RBFOX1: variants seen among roughly 807,000 people sequenced by gnomAD.
The protein encoded by RBFOX1 is RNA binding protein fox-1 homolog 1.
RBFOX1 carries 8 observed loss-of-function variants against 57.7 expected under a neutral mutation model. The ratio of observed to expected loss-of-function variants is 0.14; its 90% CI spans 0.08 to 0.25. The LOEUF is 0.25. RBFOX1 is among the 10% of genes least tolerant of loss of function. The pLI is 1.00. For missense variants in RBFOX1, 611 were observed against 548.5 expected, an observed-to-expected ratio of 1.11 and a Z score of -1.14; for synonymous variants, 326 against 222.4, an observed-to-expected ratio of 1.47 and a Z score of -4.15.
chr16:6,985,982 C>T (rs188682854), intron 3 of RBFOX1, among the ~76,000 whole-genome samples: 26 of 151,132 alleles, frequency 1.7e-4, no homozygotes, highest in Middle Eastern at 3.4e-3. Context: ...ACTTACCGGA[C>T]GAGAGAAATT....
chr16:6,842,001 G>T (rs936746552), intron 3 of RBFOX1, among the ~76,000 whole-genome samples: 12 of 151,834 alleles, frequency 7.9e-5, no homozygotes, highest in African/African-American at 2.9e-4. Context: ...AAATTAGCCG[G>T]GCGTGGTGGC....
intron 3 of RBFOX1, among the ~76,000 whole-genome samples, chr16:6,923,194 G>C (rs1288177990): frequency 2.6e-5 from 4 of 152,304 alleles, no homozygotes; most frequent in South Asian, 4.1e-4. Flanking sequence ...CTGGTCTTCA[G>C]TTGCCTGCCT....
At position 7,155,715 on chromosome 16, in the gene RBFOX1, ATATATAT is replaced by A. The variant is rs2076954661; in HGVS notation, c.27+103618_27+103624del. On this transcript the variant is annotated intron_variant, in intron 4 of 15. Coordinates refer to ENST00000550418, the MANE Select transcript of RBFOX1 (RefSeq NM_018723.4). ...CCTCCCACCAAAAAAAAAAAAAAAT[ATATATAT>A]ATATATATATATATATACACACACA... is the stretch of plus-strand genomic sequence containing the variant. 5.4e-5 allele frequency among the ~76,000 whole-genome samples: 4 copies of A among 73,534 alleles called. 1 individual carries two copies. The highest frequency in any genetic ancestry group is 2.5e-4 in the African/African-American group (4 of 16,136). The allele number at this position is 73,534 out of a possible 152,430, so 48.2% of individuals were successfully genotyped here.
chr16:5,612,171 C>A (rs1437192826), intron 3 of RBFOX1, among the ~76,000 whole-genome samples: 2 of 150,846 alleles, frequency 1.3e-5, no homozygotes, highest in African/African-American at 4.9e-5. Flanking sequence ...ACCTACCCAC[C>A]CATTCTCCCA....
rs780131043 is a variant in RBFOX1 at position 6,840,351 on chromosome 16, A to T, written c.-16+185701A>T. On this transcript the variant is annotated intron_variant, in intron 3 of 15. Coordinates refer to ENST00000550418, the MANE Select transcript of RBFOX1 (RefSeq NM_018723.4). Reference sequence around the variant, plus strand: ...GCCTCTAACATTCATTCGTTCATTCATTGGTCCCTGTATTTCAGGATTCCT... The same window carrying T: ...GCCTCTAACATTCATTCGTTCATTCTTTGGTCCCTGTATTTCAGGATTCCT... 2.0e-5 allele frequency among the ~76,000 whole-genome samples: 3 copies of T among 152,198 alleles called. 1 individual carries two copies. The South Asian group carries it at 6.2e-4, about 32-fold the overall frequency.
intron 1 of RBFOX1, among the ~76,000 whole-genome samples, chr16:5,374,580 C>T (rs532850480): frequency 3.8e-4 from 58 of 152,084 alleles, no homozygotes; most frequent in Admixed American, 3.3e-4. Flanking sequence ...GGGCAGGGTC[C>T]GGCTAAGAGG....
intron 4 of RBFOX1, among the ~76,000 whole-genome samples, chr16:7,485,882 A>G (rs1210066971): frequency 6.6e-6 from 1 of 152,180 alleles, no homozygotes; most frequent in East Asian, 1.9e-4. Flanking sequence ...ATTTTTGTAA[A>G]TAAAGTTTTA....
chr16:7,441,116 T>C (rs1249668664), intron 4 of RBFOX1, among the ~76,000 whole-genome samples: 1 of 152,200 alleles, frequency 6.6e-6, no homozygotes, highest in East Asian at 1.9e-4. Context: ...ACAAGTGACC[T>C]GCCTTCCTCT....
At chr16:6,385,611 C>T (rs971912034) in intron 2 of RBFOX1, among the ~76,000 whole-genome samples, 2 of 152,238 alleles carry the variant, frequency 1.3e-5, no homozygotes, top group African/African-American at 4.8e-5. Flanking sequence ...CCACCTGCCT[C>T]GGCCTCCCGA....
intron 2 of RBFOX1, among the ~76,000 whole-genome samples, chr16:6,652,677 C>T (rs903045092): frequency 1.3e-5 from 2 of 151,998 alleles, no homozygotes; most frequent in African/African-American, 4.8e-5. Context: ...TATGGCATTC[C>T]TAGCCGACTC....
At chr16:5,890,912 C>T (rs1431101556) in intron 4 of RBFOX1, among the ~76,000 whole-genome samples, 2 of 152,090 alleles carry the variant, frequency 1.3e-5, no homozygotes, top group Non-Finnish European at 2.9e-5. Flanking sequence ...TTCATTTTCT[C>T]TCATTGGATA....
chr16:6,934,870 G>C (rs914911295), intron 3 of RBFOX1, among the ~76,000 whole-genome samples: 9 of 152,104 alleles, frequency 5.9e-5, no homozygotes, highest in African/African-American at 1.2e-4. Context: ...CAGATGACTT[G>C]AGCTCAGGAG....
intron 3 of RBFOX1, among the ~76,000 whole-genome samples, chr16:6,678,663 C>T (rs1418391199): frequency 6.6e-6 from 1 of 151,392 alleles, no homozygotes; most frequent in Non-Finnish European, 1.5e-5. Context: ...ACTTCTAAGA[C>T]ACAAGATACA....
chr16:5,768,449 A>G (rs1322448712), intron 3 of RBFOX1, among the ~76,000 whole-genome samples: 2 of 152,044 alleles, frequency 1.3e-5, no homozygotes, highest in African/African-American at 4.8e-5. Flanking sequence ...TTGTTTCCCC[A>G]CCTTCCACGT....
At chr16:6,293,898 GGGGGTGGT>G (rs774504768) in intron 1 of RBFOX1, among the ~76,000 whole-genome samples, 22,236 of 53,610 alleles carry the variant, frequency 0.41, 1,877 homozygotes, top group Non-Finnish European at 0.51. Flanking sequence ...GGGTGAGCGG[GGGGGTGGT>G]GGAAATAGAC....
At position 5,311,608 on chromosome 16, in the gene RBFOX1, G is replaced by A. The variant is rs756455092; in HGVS notation, c.219+71503G>A. Among the ~76,000 whole-genome samples, 19 of 152,132 alleles carry A rather than the reference G, an allele frequency of 1.2e-4. 1 individual carries two copies. The highest frequency in any genetic ancestry group is 4.1e-4 in the South Asian group (2 of 4,826). On this transcript the variant is annotated intron_variant, in intron 1 of 2. Transcript: ENST00000585867. ...ATAATCATTCTTGCTGGAGTAAGGT[G>A]TATCTCATTGTGGTTTTATTTTGCT... is the stretch of plus-strand genomic sequence containing the variant.
chr16:7,397,223 C>G (rs73550760), intron 4 of RBFOX1, among the ~76,000 whole-genome samples: 2,584 of 152,188 alleles, frequency 0.017, 72 homozygotes, highest in African/African-American at 0.057. Context: ...GAAGAGATTT[C>G]GAAGTGAAGA....
At chr16:7,385,131 A>C (rs1266552170) in intron 4 of RBFOX1, among the ~76,000 whole-genome samples, 1 of 152,262 alleles carries the variant, frequency 6.6e-6, no homozygotes, top group East Asian at 1.9e-4. Context: ...GAATTGGGCA[A>C]AGGCCAGGTC....
intron 3 of RBFOX1, among the ~76,000 whole-genome samples, chr16:6,738,488 A>G (rs1006643577): frequency 2.6e-4 from 40 of 152,302 alleles, no homozygotes; most frequent in African/African-American, 8.2e-4. Context: ...AAATCTGTGA[A>G]GCAAAAACAT....
Sources: allele counts gnomAD v4.1 joint callset (sites outside exome capture counted in the v4.1 genomes callset), GRCh38; gene constraint gnomAD v4.1.1; transcripts MANE v1.5; gene names NCBI Gene and HGNC (gene_info 2026-07-23, HGNC 2026-07-21).